The following WDR17 variants were observed in gnomAD, a reference collection of about 807,000 sequenced individuals.
The protein encoded by WDR17 is WD repeat domain 17.
Under a neutral mutation model 161.7 loss-of-function variants are expected in WDR17, and 143 were observed. The observed-to-expected ratio is 0.88, with a 90% CI of 0.77 to 1.02. WDR17 has a LOEUF of 1.02. WDR17 is among the 50% of genes least tolerant of loss of function. The pLI is 0.00. For synonymous variants in WDR17, 517 were observed against 515.6 expected, an observed-to-expected ratio of 1.00 and a Z score of -0.04; for missense variants, 1,469 against 1,520.9, an observed-to-expected ratio of 0.97 and a Z score of 0.57.
intron 1 of WDR17, among the ~76,000 whole-genome samples, chr4:176,095,923 G>C (rs1266948393): frequency 6.6e-6 from 1 of 152,052 alleles, no homozygotes; most frequent in Non-Finnish European, 1.5e-5. Context: ...CATTCATGTG[G>C]TTTTGACTCT....
chr4:176,160,001 G>A lies in WDR17; in HGVS notation c.2533G>A (p.Asp845Asn), dbSNP rs1479352375. 1.2e-6 allele frequency: 2 copies of A among 1,603,260 alleles called. No homozygotes were observed. Among genetic ancestry groups the A allele is most frequent in the Non-Finnish European group, 1.7e-6 (2 of 1,173,074 alleles). ...YWKKLMQRRA[D>N]QLIQEDKDDV... ...CTGTCCTTATTTTATTAGGAGAGCT[G>A]ACCAATTAATCCAGGAAGATAAGGA... is the stretch of plus-strand genomic sequence containing the variant. Residue 845 changes from aspartate to asparagine, a missense_variant, in exon 19 of 29, where the codon GAC becomes AAC. Coordinates refer to ENST00000508596, the MANE Select transcript of WDR17 (RefSeq NM_181265.4).
At chr4:176,076,432 T>C (rs1448234244) in intron 1 of WDR17, among the ~76,000 whole-genome samples, 3 of 137,502 alleles carry the variant, frequency 2.2e-5, no homozygotes, top group African/African-American at 8.0e-5. Context: ...TTTGGCTGCA[T>C]CTCAGATTGT....
chr4:176,168,802 A>G lies in WDR17; in HGVS notation c.3102+19A>G. ...TGATAAGGTATGCTGATGATGTTAA[A>G]TATTCTGGTTTGGAATGCAGTGCTA... On this transcript the variant is annotated intron_variant, in intron 23 of 28. Transcript: ENST00000508596. 1 of 1,602,888 alleles carries G rather than the reference A, an allele frequency of 6.2e-7. No homozygotes were observed. Among genetic ancestry groups the G allele is most frequent in the Non-Finnish European group, 8.5e-7 (1 of 1,175,700 alleles).
intron 10 of WDR17, 92 bp from the exon 11 acceptor site, chr4:176,141,891 T>C: frequency 9.7e-7 from 1 of 1,033,188 alleles, no homozygotes; most frequent in Non-Finnish European, 1.4e-6. Context: ...TCCTGGAATA[T>C]TTCTATTTGA....
At chr4:176,161,212 A>G (rs1748991153) in intron 20 of WDR17, among the ~76,000 whole-genome samples, 1 of 152,192 alleles carries the variant, frequency 6.6e-6, no homozygotes, top group Non-Finnish European at 1.5e-5. Context: ...CACATTTTAT[A>G]TAGCTTTCAG....
chr4:176,069,997 C>T (rs867171249), intron 1 of WDR17, among the ~76,000 whole-genome samples: 17 of 152,162 alleles, frequency 1.1e-4, no homozygotes, highest in African/African-American at 3.6e-4. Flanking sequence ...TTGAAGGGGT[C>T]ATTTTGGAAT....
intron 1 of WDR17, among the ~76,000 whole-genome samples, chr4:176,087,948 AT>A (rs948861083): frequency 6.6e-6 from 1 of 151,942 alleles, no homozygotes; most frequent in Admixed American, 6.6e-5. Flanking sequence ...GGTTCAAGCA[AT>A]TCTTGTGCCT....
intron 4 of WDR17, 50 bp downstream of exon 4, chr4:176,120,147 A>C: frequency 1.4e-6 from 2 of 1,429,146 alleles, no homozygotes; most frequent in Non-Finnish European, 1.9e-6. Flanking sequence ...TTTCTTATAT[A>C]TAATTTTGTA....
rs113174349 is a variant in WDR17, at chr4:176,167,385, G to A, written c.2991-1287G>A. On this transcript the variant is annotated intron_variant, in intron 22 of 28. Coordinates refer to ENST00000508596, the MANE Select transcript of WDR17 (RefSeq NM_181265.4). ...ATCTTGGCCGGGCGCGGTGGCTCAC[G>A]CCTGTAATCCCAGCACTTTGGGAGG... is the stretch of plus-strand genomic sequence containing the variant. 2.7e-3 allele frequency among the ~76,000 whole-genome samples: 414 copies of A among 151,898 alleles called. 1 individual carries two copies. Among genetic ancestry groups the A allele is most frequent in the African/African-American group, 9.1e-3 (378 of 41,406 alleles).
chr4:176,077,819 A>T (rs1458160990), intron 1 of WDR17, among the ~76,000 whole-genome samples: 1 of 152,048 alleles, frequency 6.6e-6, no homozygotes, highest in Middle Eastern at 3.2e-3. Flanking sequence ...GCAATTCTAC[A>T]TATCTCCTCA....
chr4:176,079,756 A>G (rs143411706), intron 1 of WDR17, among the ~76,000 whole-genome samples: 70 of 152,294 alleles, frequency 4.6e-4, no homozygotes, highest in South Asian at 2.1e-4. Flanking sequence ...TCCAAGGTCA[A>G]GAGGCCACAT....
chr4:176,098,254 A>G lies in WDR17; in HGVS notation c.-6-13321A>G, dbSNP rs184619034. 6.1e-3 allele frequency: 970 copies of G among 157,992 alleles called. 5 individuals are homozygous for G. Among genetic ancestry groups the G allele is most frequent in the Non-Finnish European group, 9.8e-3 (694 of 70,738 alleles). 9.8% of individuals were successfully genotyped at this position (157,992 alleles called of 1,614,324 possible). On this transcript the variant is annotated intron_variant, in intron 1 of 28. Coordinates refer to ENST00000508596, the MANE Select transcript of WDR17 (RefSeq NM_181265.4). ...ATCTACCCCATATGCACTTCAGCCC[A>G]ACTGAAGTGTGTTGTTCCTGGGCCA...
intron 1 of WDR17, among the ~76,000 whole-genome samples, chr4:176,075,744 C>T (rs1480562159): frequency 4.6e-5 from 7 of 152,008 alleles, no homozygotes; most frequent in African/African-American, 1.7e-4. Flanking sequence ...GAGGCTGAGG[C>T]AGGAGGGTCA....
At chr4:176,170,723 C>CACACATTCT (rs1228475730) in intron 23 of WDR17, among the ~76,000 whole-genome samples, 2 of 152,182 alleles carry the variant, frequency 1.3e-5, no homozygotes. Context: ...GTCTTTTCAT[C>CACACATTCT]ACACATTCTA....
At chr4:176,163,763 AGAGACCCTGGGAATTACCTGGG>A (rs1263238471) in intron 22 of WDR17, among the ~76,000 whole-genome samples, 1 of 152,222 alleles carries the variant, frequency 6.6e-6, no homozygotes, top group African/African-American at 2.4e-5. Context: ...ACCCAAAGAA[AGAGACCCTGGGAATTACCTGGG>A]GTAGCCCGGA....
chr4:176,121,552 G>A (rs1400391862), intron 4 of WDR17, among the ~76,000 whole-genome samples: 1 of 152,146 alleles, frequency 6.6e-6, no homozygotes, highest in South Asian at 2.1e-4. Context: ...ATCTGAAGAA[G>A]ATATGAGGAG....
At chr4:176,149,326 G>A (rs766568164) in intron 13 of WDR17, among the ~76,000 whole-genome samples, 7 of 151,590 alleles carry the variant, frequency 4.6e-5, no homozygotes, top group Non-Finnish European at 7.4e-5. Context: ...ATGGTGTACA[G>A]TGGCGCAAAC....
At position 176,179,631 on chromosome 4, in the gene WDR17, G is replaced by A. The variant is rs778603921; in HGVS notation, c.*52G>A. On this transcript the variant is annotated 3_prime_UTR_variant, in exon 29 of 29. Transcript: ENST00000508596. ...TTTTTTTTTAAAGAAAAACTTTCATGGGTTAGCATTACCTTAATCTTTGTT... is the reference window on the plus strand; with the variant it reads ...TTTTTTTTTAAAGAAAAACTTTCATAGGTTAGCATTACCTTAATCTTTGTT... 10 of 1,491,740 alleles carry A rather than the reference G, an allele frequency of 6.7e-6. No homozygotes were observed. Among genetic ancestry groups the A allele is most frequent in the African/African-American group, 1.4e-5 (1 of 69,970 alleles). 92.4% of individuals were successfully genotyped at this position (1,491,740 alleles called of 1,614,324 possible).
At chr4:176,080,754 A>G (rs1464043865) in intron 1 of WDR17, among the ~76,000 whole-genome samples, 3 of 151,972 alleles carry the variant, frequency 2.0e-5, no homozygotes, top group Non-Finnish European at 2.9e-5. Context: ...GACATTTAAC[A>G]TATTATTTTC....
Sources: gnomAD v4.1 joint callset for allele counts (sites outside exome capture counted in the v4.1 genomes callset) on GRCh38, gnomAD v4.1.1 for gene constraint, MANE v1.5 for transcripts, NCBI Gene and HGNC (gene_info 2026-07-23, HGNC 2026-07-21) for gene names.